Variants in MAML1 observed in about 807,000 individuals in gnomAD.
The protein encoded by MAML1 is mastermind-like protein 1.
Under a neutral mutation model 77.1 loss-of-function variants are expected in MAML1, and 14 were observed. The ratio of observed to expected loss-of-function variants is 0.18; its 90% CI spans 0.12 to 0.28. The LOEUF (loss-of-function observed/expected upper bound fraction) is 0.28, where lower values mean the gene tolerates loss of function less well. Ranked by LOEUF, MAML1 falls within the 10% of genes least tolerant of loss-of-function variation. The probability of loss-of-function intolerance (pLI) is 1.00; values close to 1 mark genes in which losing one functional copy is unlikely to be tolerated. For synonymous variants in MAML1, 516 were observed against 551.9 expected (o/e 0.93, Z 0.91); for missense variants, 1,217 against 1,327.8 (o/e 0.92, Z 1.30).
chr5:179,776,380 C>A lies in MAML1; in HGVS notation c.*1503C>A, dbSNP rs746163522. ...CGCGGTGAGGGGACGAGAGGTTGTA[C>A]ACACATTGGTAGTTATTTTGCACCA... On this transcript the variant is annotated 3_prime_UTR_variant, in exon 5 of 5. Transcript: ENST00000292599. 6.1e-6 allele frequency: 6 copies of A among 985,740 alleles called. No individual in the cohort carries two copies. The highest frequency in any genetic ancestry group is 1.7e-5 in the African/African-American group (1 of 57,222). 61.1% of individuals were successfully genotyped at this position (985,740 alleles called of 1,614,324 possible). A position where few individuals can be genotyped will look rare whatever the true frequency, so the allele number is the denominator to read the frequency against.
intron 1 of MAML1, among the ~76,000 whole-genome samples, chr5:179,749,801 G>A (rs915757339): frequency 1.1e-4 from 16 of 152,136 alleles, no homozygotes; most frequent in Admixed American, 1.3e-4. Context: ...GCAACCCACC[G>A]AGAGGTGAAG....
At position 179,753,655 on chromosome 5, in the gene MAML1, T is replaced by TTATTA. The variant is rs201381335; in HGVS notation, c.316-11670_316-11669insATTAT. ...TTGGGTTGTTTTATTATTATTATTA[T>TTATTA]TTTTTTTTTTTTTTTTTTTTTTGAG... is the stretch of plus-strand genomic sequence containing the variant. On this transcript the variant is annotated intron_variant, in intron 1 of 4. Transcript: ENST00000292599. 1.7e-4 allele frequency among the ~76,000 whole-genome samples: 9 copies of TTATTA among 52,832 alleles called. No individual in the cohort carries two copies. The South Asian group carries it at 2.0e-3, about 12-fold the overall frequency. 34.7% of individuals were successfully genotyped at this position (52,832 alleles called of 152,430 possible).
rs1756147899 is a variant in MAML1, at chr5:179,776,967, A to G, written c.*2090A>G. ...AAAAGGGTGCTCAGACTTTTGTTAT[A>G]CACATTTGCTTTGTGTAAATAAATG... On this transcript the variant is annotated 3_prime_UTR_variant, in exon 5 of 5. Coordinates refer to ENST00000292599, the MANE Select transcript of MAML1 (RefSeq NM_014757.5). The G allele has an allele frequency of 2.0e-6, 2 of 985,668 alleles. No individual in the cohort carries two copies. The highest frequency in any genetic ancestry group is 1.1e-4 in the East Asian group (1 of 8,822). 61.1% of individuals were successfully genotyped at this position (985,668 alleles called of 1,614,324 possible). A position where few individuals can be genotyped will look rare whatever the true frequency, so the allele number is the denominator to read the frequency against.
chr5:179,733,242 G>T lies in MAML1; in HGVS notation c.130G>T (p.Val44Leu). Reference sequence around the variant, plus strand: ...CACCTGCGAGGCCCGCTACGAGGCCGTGTCGCCCGAGCGCCTGGAGCTGGA... The same window carrying T: ...CACCTGCGAGGCCCGCTACGAGGCCTTGTCGCCCGAGCGCCTGGAGCTGGA... ...HSTCEARYEA[V>L]SPERLELERQ... Residue 44 changes from valine (V) to leucine (L), a missense_variant, in exon 1 of 5, where the codon GTG becomes TTG. Val to Leu is a conservative substitution (Grantham distance 32). This residue lies in a region of MAML1 where 312 missense variants were observed against 331.4 expected (regional missense o/e 0.94). Transcript: ENST00000292599. 1.4e-6 allele frequency: 2 copies of T among 1,473,828 alleles called. No homozygotes were observed. Among genetic ancestry groups the T allele is most frequent in the South Asian group, 1.3e-5 (1 of 79,694 alleles). The allele number at this position is 1,473,828 out of a possible 1,614,324, so 91.3% of individuals were successfully genotyped here.
At chr5:179,772,496 C>T (rs994751776) in intron 4 of MAML1, among the ~76,000 whole-genome samples, 2 of 152,146 alleles carry the variant, frequency 1.3e-5, no homozygotes, top group African/African-American at 4.8e-5. Context: ...AACAATGACT[C>T]TCCTACCCAC....
At chr5:179,735,265 C>T (rs888797824) in intron 1 of MAML1, among the ~76,000 whole-genome samples, 1 of 152,238 alleles carries the variant, frequency 6.6e-6, no homozygotes, top group South Asian at 2.1e-4. Flanking sequence ...TCCTGCCACC[C>T]TGCCAGTCCC....
chr5:179,772,011 A>G (rs78244203), intron 4 of MAML1, among the ~76,000 whole-genome samples: 1,929 of 152,312 alleles, frequency 0.013, 34 homozygotes, highest in African/African-American at 0.044. Flanking sequence ...GCATTTCAGA[A>G]GCATGGGTCT....
rs776209806 is a variant in MAML1, at chr5:179,765,903, T to C, written c.893T>C (p.Ile298Thr). 5 of 1,614,104 alleles carry C rather than the reference T, an allele frequency of 3.1e-6. No individual in the cohort carries two copies. The highest frequency in any genetic ancestry group is 4.2e-6 in the Non-Finnish European group (5 of 1,180,032). Residue 298 changes from isoleucine (I) to threonine (T), a missense_variant, in exon 2 of 5, where the codon ATT becomes ACT. By Grantham distance (89) the Ile-to-Thr change is moderately conservative. Coordinates refer to ENST00000292599, the MANE Select transcript of MAML1 (RefSeq NM_014757.5). ...TQTPLAQDIN[I>T]KTEFSPAAFE... ...ACCCCCTTGGCACAGGACATTAATA[T>C]TAAGACGGAATTCTCTCCAGCAGCC...
At chr5:179,752,342 A>ATATATATATATATATATAT (rs1351079259) in intron 1 of MAML1, among the ~76,000 whole-genome samples, 20 of 86,566 alleles carry the variant, frequency 2.3e-4, no homozygotes, top group South Asian at 1.1e-3. Context: ...AAAAAAAAAA[A>ATATATATATATATATATAT]AAAAAAAAAT....
intron 1 of MAML1, among the ~76,000 whole-genome samples, chr5:179,764,099 T>C (rs774089833): frequency 4.5e-4 from 69 of 152,194 alleles, no homozygotes; most frequent in Admixed American, 1.2e-3. Flanking sequence ...CATGTTCTTA[T>C]CTTGAAATCG....
At chr5:179,749,755 C>T (rs1348152313) in intron 1 of MAML1, among the ~76,000 whole-genome samples, 1 of 152,116 alleles carries the variant, frequency 6.6e-6, no homozygotes, top group Non-Finnish European at 1.5e-5. Context: ...GGCTCTGCAC[C>T]AGACGTGGAG....
intron 1 of MAML1, among the ~76,000 whole-genome samples, chr5:179,763,417 C>A (rs1397963648): frequency 1.3e-5 from 2 of 151,704 alleles, no homozygotes; most frequent in Non-Finnish European, 2.9e-5. Context: ...TTGTTGCTTA[C>A]CTCTGCCCTG....
At chr5:179,748,526 A>C (rs1779425377) in intron 1 of MAML1, among the ~76,000 whole-genome samples, 1 of 152,240 alleles carries the variant, frequency 6.6e-6, no homozygotes, top group South Asian at 2.1e-4. Context: ...GAGTTGTTTA[A>C]TAAAGGCATA....
chr5:179,759,780 G>T (rs1370658881), intron 1 of MAML1, among the ~76,000 whole-genome samples: 2 of 152,236 alleles, frequency 1.3e-5, no homozygotes, highest in Non-Finnish European at 2.9e-5. Context: ...AGCCACGCTG[G>T]TGGAGTCCCT....
At chr5:179,767,497 T>C (rs1200893073) in intron 2 of MAML1, among the ~76,000 whole-genome samples, 3 of 151,476 alleles carry the variant, frequency 2.0e-5, no homozygotes, top group Non-Finnish European at 4.4e-5. Flanking sequence ...ATTGACACAC[T>C]ATATACCCGA....
In MAML1 at chr5:179,775,415, T is replaced by C. The variant is rs1043925433; in HGVS notation, c.*538T>C. On this transcript the variant is annotated 3_prime_UTR_variant, in exon 5 of 5. Transcript: ENST00000292599. Reference sequence around the variant, plus strand: ...TAAGTGGCATTGGAAACCTAGGGTTTCCTTTTGATTAAGAGCCTTTTTTGT... The same window carrying C: ...TAAGTGGCATTGGAAACCTAGGGTTCCCTTTTGATTAAGAGCCTTTTTTGT... The C allele has an allele frequency of 4.1e-6, 4 of 985,324 alleles. No homozygotes were observed. The allele number at this position is 985,324 out of a possible 1,614,324, so 61.0% of individuals were successfully genotyped here. A position where few individuals can be genotyped will look rare whatever the true frequency, so the allele number is the denominator to read the frequency against.
rs201881355 is a variant in MAML1, at chr5:179,766,517, G to A, written c.1507G>A (p.Ala503Thr). 42 of 1,602,958 alleles carry A rather than the reference G, an allele frequency of 2.6e-5. No homozygotes were observed. Among genetic ancestry groups the A allele is most frequent in the East Asian group, 1.1e-4 (5 of 44,776 alleles). ...ACCGAGTAACTTGAATCAGAACTCC[G>A]CGAATAACCAGGGGTCTGTGCTGGA... Reference protein sequence around the residue: ...QPPSNLNQNSANNQGSVLDYG... With the variant: ...QPPSNLNQNSTNNQGSVLDYG... Residue 503 changes from alanine to threonine, a missense_variant, in exon 2 of 5, where the codon GCG becomes ACG. Physicochemically the swap from Ala to Thr is moderately conservative, Grantham distance 58. Coordinates refer to ENST00000292599, the MANE Select transcript of MAML1 (RefSeq NM_014757.5). The surrounding 1 kb of genome is among the most constrained non-coding windows in gnomAD (Gnocchi z 4.0).
intron 1 of MAML1, among the ~76,000 whole-genome samples, chr5:179,734,773 G>A (rs767581458): frequency 6.6e-6 from 1 of 152,116 alleles, no homozygotes; most frequent in Non-Finnish European, 1.5e-5. Flanking sequence ...CAGTCCTCCC[G>A]CCTCAGCCTC....
Position 179,752,325 on chromosome 5 carries a change from C to CAA in MAML1, c.316-12976_316-12975dup, listed in dbSNP as rs1177449054. Among the ~76,000 whole-genome samples the CAA allele has an allele frequency of 2.3e-3, 121 of 53,656 alleles. 2 individuals carry two copies. Among genetic ancestry groups the CAA allele is most frequent in the Non-Finnish European group, 3.3e-3 (89 of 27,250 alleles). 35.2% of individuals were successfully genotyped at this position (53,656 alleles called of 152,430 possible). The stretch of plus-strand genomic sequence containing the variant: ...TGGCAACAGAGCTAGACTCTGTCTC[C>CAA]AAAAAAAAAAAAAAAAAAAAAAAAA... On this transcript the variant is annotated intron_variant, in intron 1 of 4. Coordinates refer to ENST00000292599, the MANE Select transcript of MAML1 (RefSeq NM_014757.5).
Sources: allele counts gnomAD v4.1 joint callset (sites outside exome capture counted in the v4.1 genomes callset), GRCh38; gene constraint gnomAD v4.1.1; regional missense constraint gnomAD v4.1.1; non-coding constraint Gnocchi (gnomAD v3.1); transcripts MANE v1.5; gene names NCBI Gene and HGNC (gene_info 2026-07-23, HGNC 2026-07-21).